KIAA0825: variants seen among roughly 807,000 people sequenced by gnomAD.
KIAA0825 encodes uncharacterized protein KIAA0825.
In KIAA0825, 119 loss-of-function variants were observed where a neutral mutation model predicts 147.6. That is an observed-to-expected ratio of 0.81 (90% CI 0.69 to 0.94). The LOEUF is 0.94. Among genes scored for constraint, KIAA0825 ranks in the 40% least tolerant of loss-of-function variants. The pLI is 0.00. For missense variants in KIAA0825, 1,381 were observed against 1,472.7 expected (o/e 0.94, Z 1.02); for synonymous variants, 470 against 518.1 (o/e 0.91, Z 1.26).
rs1030740543 is a variant in KIAA0825 at position 94,299,820 on chromosome 5, A to G, written c.3710+84548T>C. ...TTCATGAGTTCCTTAGCTAGAGCCA[A>G]TAACTATTTCAGTTTGTCTAGGTAA... On this transcript the variant is annotated intron_variant, in intron 20 of 20. Transcript: ENST00000682413. Among the ~76,000 whole-genome samples the G allele has an allele frequency of 6.6e-5, 10 of 152,326 alleles. No homozygotes were observed. In the East Asian group the frequency reaches 1.9e-3, roughly 29 times the overall value.
At chr5:94,552,386 T>G (rs111348790) in intron 2 of KIAA0825, among the ~76,000 whole-genome samples, 3 of 152,134 alleles carry the variant, frequency 2.0e-5, no homozygotes, top group Admixed American at 2.0e-4. Context: ...CAAAGAAACA[T>G]TGGATTTAAA....
intron 13 of KIAA0825, among the ~76,000 whole-genome samples, chr5:94,451,706 C>T (rs1758434747): frequency 6.6e-6 from 1 of 152,182 alleles, no homozygotes; most frequent in African/African-American, 2.4e-5. Context: ...TTGATCCGAG[C>T]AAGCTTGGAA....
intron 20 of KIAA0825, among the ~76,000 whole-genome samples, chr5:94,193,996 A>G (rs1770904566): frequency 6.6e-6 from 1 of 152,234 alleles, no homozygotes; most frequent in Non-Finnish European, 1.5e-5. Flanking sequence ...GGCAGGAGAT[A>G]GGGAAGAGCA....
intron 7 of KIAA0825, among the ~76,000 whole-genome samples, chr5:94,476,851 G>A (rs1467867954): frequency 6.6e-6 from 1 of 151,956 alleles, no homozygotes; most frequent in African/African-American, 2.4e-5. Context: ...CTAAGTGCAG[G>A]CCCTGAGTCA....
intron 20 of KIAA0825, among the ~76,000 whole-genome samples, chr5:94,377,610 C>G (rs1747767183): frequency 6.6e-6 from 1 of 152,052 alleles, no homozygotes; most frequent in African/African-American, 2.4e-5. Context: ...TTTATTATTT[C>G]AAAAGATCAA....
chr5:94,574,745 T>A (rs1043284608), intron 2 of KIAA0825, among the ~76,000 whole-genome samples: 3 of 152,012 alleles, frequency 2.0e-5, no homozygotes, highest in Non-Finnish European at 4.4e-5. Context: ...CTTTTTAGAG[T>A]CAAAGTCTTA....
chr5:94,600,686 G>A (rs1463852077), intron 1 of KIAA0825, among the ~76,000 whole-genome samples: 1 of 152,100 alleles, frequency 6.6e-6, no homozygotes, highest in African/African-American at 2.4e-5. Context: ...TTCTATAAAG[G>A]AATACTTGAG....
chr5:94,322,077 T>C (rs1283396315), intron 20 of KIAA0825, among the ~76,000 whole-genome samples: 1 of 151,978 alleles, frequency 6.6e-6, no homozygotes, highest in Non-Finnish European at 1.5e-5. Context: ...TTTAGGGTCC[T>C]TAAAACTAAA....
intron 2 of KIAA0825, among the ~76,000 whole-genome samples, chr5:94,578,181 A>G: frequency 6.6e-6 from 1 of 152,234 alleles, no homozygotes; most frequent in East Asian, 1.9e-4. Context: ...AATCTATTCA[A>G]TTCAAAGATG....
At chr5:94,494,873 T>C (rs760658826) in intron 5 of KIAA0825, among the ~76,000 whole-genome samples, 1 of 152,186 alleles carries the variant, frequency 6.6e-6, no homozygotes, top group African/African-American at 2.4e-5. Context: ...AGTTACATTA[T>C]CAGCTCTCAA....
chr5:94,427,091 T>C lies in KIAA0825; in HGVS notation c.2498-9726A>G, dbSNP rs543859248. 3.9e-5 allele frequency among the ~76,000 whole-genome samples: 6 copies of C among 152,328 alleles called. No individual in the cohort carries two copies. The South Asian group carries it at 1.0e-3, about 26-fold the overall frequency. ...TTTGCCAGCCCCTGTTCATGAATAT[T>C]GGAAGAGTGTACATATGTTCCAAAT... On this transcript the variant is annotated intron_variant, in intron 14 of 20. Coordinates refer to ENST00000682413, the MANE Select transcript of KIAA0825 (RefSeq NM_001145678.3).
chr5:94,449,649 A>G (rs1043246916), intron 13 of KIAA0825, among the ~76,000 whole-genome samples: 2 of 152,220 alleles, frequency 1.3e-5, no homozygotes, highest in Non-Finnish European at 2.9e-5. Context: ...ACAGCTGGAC[A>G]TATACCGTTG....
intron 20 of KIAA0825, among the ~76,000 whole-genome samples, chr5:94,327,140 T>C (rs1780779868): frequency 6.6e-6 from 1 of 152,184 alleles, no homozygotes; most frequent in African/African-American, 2.4e-5. Flanking sequence ...CTTTAAATGA[T>C]CTAAGAGCTC....
At chr5:94,458,485 C>G (rs75286328) in intron 12 of KIAA0825, among the ~76,000 whole-genome samples, 9,821 of 152,156 alleles carry the variant, frequency 0.065, 760 homozygotes, top group East Asian at 0.42. Context: ...AAAGACTGGA[C>G]CTTGGGGTAC....
At chr5:94,389,411 A>G (rs1184674910) in intron 18 of KIAA0825, among the ~76,000 whole-genome samples, 1 of 152,036 alleles carries the variant, frequency 6.6e-6, no homozygotes, top group Non-Finnish European at 1.5e-5. Flanking sequence ...CCTGGTGCCA[A>G]CCCCATGGGA....
At chr5:94,472,297 C>T (rs968547759) in intron 8 of KIAA0825, among the ~76,000 whole-genome samples, 1 of 152,082 alleles carries the variant, frequency 6.6e-6, no homozygotes, top group African/African-American at 2.4e-5. Context: ...TATTATGTAT[C>T]TTCTCTTCCT....
chr5:94,518,430 G>T (rs1373661253), intron 5 of KIAA0825, among the ~76,000 whole-genome samples: 1 of 152,122 alleles, frequency 6.6e-6, no homozygotes, highest in African/African-American at 2.4e-5. Context: ...CTTGAACAGT[G>T]CTGTTTGAAA....
chr5:94,331,035 T>C (rs564367737), intron 20 of KIAA0825, among the ~76,000 whole-genome samples: 2 of 151,436 alleles, frequency 1.3e-5, no homozygotes, highest in Non-Finnish European at 3.0e-5. Flanking sequence ...CTACTCAGGA[T>C]GGTGAGGCAG....
chr5:94,470,058 T>C lies in KIAA0825; in HGVS notation c.1775A>G (p.Gln592Arg), dbSNP rs748404947. The C allele has an allele frequency of 3.2e-6, 5 of 1,551,612 alleles. No individual in the cohort carries two copies. The highest frequency in any genetic ancestry group is 2.4e-5 in the South Asian group (2 of 84,054). ...QRYQEFINTL[Q>R]FQVTNYCVRV... ...GACGCAGTAGTTCGTAACCTGAAAC[T>C]GTAGAGTGTTGATGAATTCCTGATA... is the stretch of plus-strand genomic sequence containing the variant. The change falls in exon 10 of 21, where the codon CAG (glutamine) becomes CGG (arginine). Residue 592 changes from glutamine to arginine, a missense_variant. By Grantham distance (43) the Gln-to-Arg change is conservative. Transcript: ENST00000682413.
Sources: gnomAD v4.1 joint callset for allele counts (sites outside exome capture counted in the v4.1 genomes callset) on GRCh38, gnomAD v4.1.1 for gene constraint, MANE v1.5 for transcripts, NCBI Gene and HGNC (gene_info 2026-07-23, HGNC 2026-07-21) for gene names.